The following UBE2D1 variants were observed in gnomAD, a reference collection of about 807,000 sequenced individuals.
The protein encoded by UBE2D1 is ubiquitin-conjugating enzyme E2 D1.
UBE2D1 carries 9 observed loss-of-function variants against 24.6 expected under a neutral mutation model. The observed-to-expected ratio is 0.37, with a 90% confidence interval of 0.22 to 0.64. UBE2D1 has a LOEUF of 0.64. Ranked by LOEUF, UBE2D1 falls within the 30% of genes least tolerant of loss-of-function variation. The pLI is 0.64. For synonymous variants in UBE2D1, 57 were observed against 57.6 expected (o/e 0.99, Z 0.04); for missense variants, 87 against 177.1 (o/e 0.49, Z 2.89).
intron 1 of UBE2D1, among the ~76,000 whole-genome samples, chr10:58,352,072 T>C (rs532005819): frequency 1.3e-5 from 2 of 152,274 alleles, no homozygotes; most frequent in East Asian, 3.9e-4. Context: ...CTACTAGAAA[T>C]GTCATTGTTT....
At chr10:58,368,575 C>A in intron 6 of UBE2D1, 145 bp from the exon 7 acceptor site, 1 of 428,196 alleles carries the variant, frequency 2.3e-6, no homozygotes, top group East Asian at 3.6e-5. Context: ...TCTGCATGAA[C>A]CTAAGTCACA....
chr10:58,352,455 TA>T (rs1026412167), intron 1 of UBE2D1, among the ~76,000 whole-genome samples: 5 of 146,610 alleles, frequency 3.4e-5, no homozygotes, highest in African/African-American at 2.5e-5. Context: ...ACTGGCAAAT[TA>T]AAAAAAAAAT....
Position 58,353,421 on chromosome 10 carries a change from C to T in UBE2D1, c.25-7917C>T, listed in dbSNP as rs369273836. On this transcript the variant is annotated intron_variant, in intron 1 of 6. Coordinates refer to ENST00000373910, the MANE Select transcript of UBE2D1 (RefSeq NM_003338.5). ...CTAAGGATTGCCAGTGGTTAGAAGA[C>T]GACTTACTTTGAGATGAGGTCAGCT... is the stretch of plus-strand genomic sequence containing the variant. Among the ~76,000 whole-genome samples, 26 of 152,272 alleles carry T rather than the reference C, an allele frequency of 1.7e-4. No individual in the cohort carries two copies. The East Asian group carries it at 4.2e-3, about 25-fold the overall frequency.
intron 4 of UBE2D1, among the ~76,000 whole-genome samples, chr10:58,364,028 C>G (rs1348562120): frequency 1.3e-5 from 2 of 149,564 alleles, no homozygotes; most frequent in African/African-American, 2.5e-5. Context: ...CATTCTTTCT[C>G]TGTTTTTTTT....
intron 1 of UBE2D1, among the ~76,000 whole-genome samples, chr10:58,359,564 A>C (rs2132328641): frequency 6.6e-6 from 1 of 152,266 alleles, no homozygotes; most frequent in South Asian, 2.1e-4. Context: ...TCTACTCTCC[A>C]AATCAGTTTG....
intron 1 of UBE2D1, among the ~76,000 whole-genome samples, chr10:58,351,229 A>C (rs1230670651): frequency 6.6e-6 from 1 of 152,204 alleles, no homozygotes; most frequent in Non-Finnish European, 1.5e-5. Flanking sequence ...TTCTTTCTTC[A>C]ATAATAAATT....
At chr10:58,347,021 A>C (rs1840024489) in intron 1 of UBE2D1, among the ~76,000 whole-genome samples, 1 of 152,160 alleles carries the variant, frequency 6.6e-6, no homozygotes, top group Non-Finnish European at 1.5e-5. Flanking sequence ...TCCCTGGTCT[A>C]GGCAATCTCT....
chr10:58,368,571 T>C (rs756322915), intron 6 of UBE2D1, 149 bp from the exon 7 acceptor site: 6 of 418,316 alleles, frequency 1.4e-5, no homozygotes, highest in Non-Finnish European at 2.1e-5. Context: ...TATTTCTGCA[T>C]GAACCTAAGT....
At chr10:58,342,763 C>T (rs1268287790) in intron 1 of UBE2D1, among the ~76,000 whole-genome samples, 1 of 150,504 alleles carries the variant, frequency 6.6e-6, no homozygotes, top group African/African-American at 2.4e-5. Context: ...CCATTATGGT[C>T]AGAGAACAAA....
In UBE2D1 at chr10:58,342,691, GTTAT is replaced by G. The variant is rs1314558095; in HGVS notation, c.24+7473_24+7476del. On this transcript the variant is annotated intron_variant, in intron 1 of 6. Transcript: ENST00000373910. ...TGACCCTTGGATTATTTAGAAATAC[GTTAT>G]TTATTTGCCATATGTTTGGAGATTT... Among the ~76,000 whole-genome samples, 4 of 151,836 alleles carry G rather than the reference GTTAT, an allele frequency of 2.6e-5. No homozygotes were observed. The East Asian group carries it at 7.7e-4, about 29-fold the overall frequency.
At position 58,357,408 on chromosome 10, in the gene UBE2D1, A is replaced by G. The variant is rs116680361; in HGVS notation, c.25-3930A>G. 6.7e-3 allele frequency among the ~76,000 whole-genome samples: 1,015 copies of G among 152,260 alleles called. 10 individuals carry two copies. Among genetic ancestry groups the G allele is most frequent in the African/African-American group, 0.023 (963 of 41,556 alleles). On this transcript the variant is annotated intron_variant, in intron 1 of 6. Transcript: ENST00000373910. The stretch of plus-strand genomic sequence containing the variant: ...AATCTAAATCAAAAGAAAGAATTCA[A>G]CAAATAAAAGTGATCCTTGATTTTG...
intron 1 of UBE2D1, among the ~76,000 whole-genome samples, chr10:58,351,185 A>T (rs1310173230): frequency 6.6e-6 from 1 of 152,186 alleles, no homozygotes; most frequent in East Asian, 1.9e-4. Flanking sequence ...CTGTACATAC[A>T]CTTAGTATAT....
chr10:58,354,586 T>TA (rs1215767171), intron 1 of UBE2D1, among the ~76,000 whole-genome samples: 1 of 152,146 alleles, frequency 6.6e-6, no homozygotes, highest in Admixed American at 6.6e-5. Context: ...CTCAGTGGCT[T>TA]ACACCTGTAA....
Position 58,335,145 on chromosome 10 carries a change from C to T in UBE2D1, c.-57C>T. 5.2e-6 allele frequency: 8 copies of T among 1,527,722 alleles called. No homozygotes were observed. Among genetic ancestry groups the T allele is most frequent in the South Asian group, 1.2e-5 (1 of 83,576 alleles). 94.6% of individuals were successfully genotyped at this position (1,527,722 alleles called of 1,614,324 possible). A position where few individuals can be genotyped will look rare whatever the true frequency, so the allele number is the denominator to read the frequency against. On this transcript the variant is annotated 5_prime_UTR_variant, in exon 1 of 7. Transcript: ENST00000373910. ...GAGCCCAACCCGCGACGACCCACGC[C>T]CCTGAGCCCCGCAGCCGACCCCTGC...
chr10:58,366,171 C>A (rs915159299), intron 5 of UBE2D1, among the ~76,000 whole-genome samples: 1 of 152,136 alleles, frequency 6.6e-6, no homozygotes, highest in Non-Finnish European at 1.5e-5. Context: ...TATAAACTGC[C>A]AAGTCCTTAT....
chr10:58,349,581 T>C (rs1393523783), intron 1 of UBE2D1, among the ~76,000 whole-genome samples: 1 of 152,184 alleles, frequency 6.6e-6, no homozygotes, highest in Non-Finnish European at 1.5e-5. Flanking sequence ...TCTTTTCCAT[T>C]ATATGAATTC....
chr10:58,346,470 G>A (rs570084210), intron 1 of UBE2D1, among the ~76,000 whole-genome samples: 16 of 152,234 alleles, frequency 1.1e-4, no homozygotes, highest in Admixed American at 3.3e-4. Context: ...AAAACCTGAA[G>A]GCAATGATGT....
Position 58,361,415 on chromosome 10 carries a change from T to C in UBE2D1, c.88+14T>C. 1 of 1,614,206 alleles carries C rather than the reference T, an allele frequency of 6.2e-7. No individual in the cohort carries two copies. Among genetic ancestry groups the C allele is most frequent in the Non-Finnish European group, 8.5e-7 (1 of 1,180,034 alleles). On this transcript the variant is annotated intron_variant, in intron 2 of 6. Coordinates refer to ENST00000373910, the MANE Select transcript of UBE2D1 (RefSeq NM_003338.5). ...TGGGAGATGACTGTAAGCCTTGCTC[T>C]ATTTCTGGGATTATGCTACCTTTAA...
chr10:58,357,789 G>T (rs1186391276), intron 1 of UBE2D1, among the ~76,000 whole-genome samples: 1 of 152,120 alleles, frequency 6.6e-6, no homozygotes, highest in Non-Finnish European at 1.5e-5. Flanking sequence ...GGTTATGTAA[G>T]TCTCCTCCCC....
Sources: gnomAD v4.1 joint callset for allele counts (sites outside exome capture counted in the v4.1 genomes callset) on GRCh38, gnomAD v4.1.1 for gene constraint, MANE v1.5 for transcripts, NCBI Gene and HGNC (gene_info 2026-07-23, HGNC 2026-07-21) for gene names.